HSDL2: variants seen among roughly 807,000 people sequenced by gnomAD.
HSDL2 encodes hydroxysteroid dehydrogenase like 2.
In HSDL2, 27 loss-of-function variants were observed where a neutral mutation model predicts 46.3. The ratio of observed to expected loss-of-function variants is 0.58; its 90% CI spans 0.43 to 0.80. HSDL2 has a LOEUF of 0.80. HSDL2 is among the 30% of genes least tolerant of loss of function. The pLI is 0.00. For synonymous variants in HSDL2, 153 were observed against 163.6 expected, an observed-to-expected ratio of 0.94 and a Z score of 0.50; for missense variants, 451 against 502.7, an observed-to-expected ratio of 0.90 and a Z score of 0.98.
At chr9:112,386,832 A>G (rs1035161549) in intron 1 of HSDL2, among the ~76,000 whole-genome samples, 2 of 152,202 alleles carry the variant, frequency 1.3e-5, no homozygotes, top group African/African-American at 4.8e-5. Context: ...TGCAAGAAGT[A>G]TATAGTACAT....
In HSDL2 at chr9:112,397,536, T is replaced by G. The variant is rs1831484182; in HGVS notation, c.18-6459T>G. On this transcript the variant is annotated intron_variant, in intron 1 of 10. Coordinates refer to ENST00000398805, the MANE Select transcript of HSDL2 (RefSeq NM_032303.5). ...AGGAGCTTGACTTGGGGCACGTAAT[T>G]TATCCCAAGTTCTCATACACACCTT... is the stretch of plus-strand genomic sequence containing the variant. 2.0e-5 allele frequency among the ~76,000 whole-genome samples: 3 copies of G among 152,190 alleles called. No individual in the cohort carries two copies. In the East Asian group the frequency reaches 5.8e-4, roughly 29 times the overall value.
intron 6 of HSDL2, among the ~76,000 whole-genome samples, chr9:112,423,594 C>A (rs1368296126): frequency 1.3e-5 from 2 of 151,970 alleles, no homozygotes; most frequent in African/African-American, 2.4e-5. Context: ...CAGGTGTGAG[C>A]CACTGCCCCA....
intron 6 of HSDL2, among the ~76,000 whole-genome samples, chr9:112,419,507 C>CG (rs1291725040): frequency 6.6e-6 from 1 of 152,116 alleles, no homozygotes; most frequent in Non-Finnish European, 1.5e-5. Flanking sequence ...CATTGACCAC[C>CG]GGAACACTTT....
chr9:112,406,729 A>G (rs1831738890), intron 3 of HSDL2, among the ~76,000 whole-genome samples: 1 of 152,146 alleles, frequency 6.6e-6, no homozygotes, highest in Admixed American at 6.5e-5. Flanking sequence ...CAGCCTCCCA[A>G]AGTGCTGGGA....
intron 1 of HSDL2, among the ~76,000 whole-genome samples, chr9:112,388,164 A>C (rs1564101089): frequency 6.6e-6 from 1 of 151,224 alleles, no homozygotes; most frequent in African/African-American, 2.4e-5. Flanking sequence ...GTCTCAGAAA[A>C]AAACAAACAA....
At chr9:112,419,105 T>C in intron 6 of HSDL2, 147 bp downstream of exon 6, 8 of 413,782 alleles carry the variant, frequency 1.9e-5, no homozygotes, top group Non-Finnish European at 3.7e-5. Context: ...GCCTCCTGGG[T>C]TCAAGCAGTT....
At chr9:112,459,379 T>C in intron 9 of HSDL2, 70 bp from the exon 10 acceptor site, 1 of 1,494,592 alleles carries the variant, frequency 6.7e-7, no homozygotes, top group Admixed American at 1.9e-5. Flanking sequence ...TTATTCTAAT[T>C]GAAGTAATTA....
At chr9:112,447,847 C>A (rs1999265) in intron 8 of HSDL2, among the ~76,000 whole-genome samples, 1 of 152,202 alleles carries the variant, frequency 6.6e-6, no homozygotes, top group Non-Finnish European at 1.5e-5. Context: ...CTGGAACAAG[C>A]CAAGTTAAAA....
chr9:112,442,348 C>CT (rs996064306), intron 8 of HSDL2, among the ~76,000 whole-genome samples: 1 of 142,352 alleles, frequency 7.0e-6, no homozygotes, highest in African/African-American at 2.6e-5. Context: ...TCTGAAAAAA[C>CT]TTTTTTTTAG....
intron 4 of HSDL2, among the ~76,000 whole-genome samples, chr9:112,416,514 A>G (rs747903979): frequency 6.6e-6 from 1 of 150,792 alleles, no homozygotes; most frequent in Non-Finnish European, 1.5e-5. Flanking sequence ...GCACTTCGGG[A>G]GTCTGAGGTA....
rs372567077 is a variant in HSDL2, at chr9:112,434,598, C to T, written c.599-3833C>T. Among the ~76,000 whole-genome samples the T allele has an allele frequency of 3.3e-5, 5 of 152,168 alleles. No individual in the cohort carries two copies. The South Asian group carries it at 1.0e-3, about 32-fold the overall frequency. On this transcript the variant is annotated intron_variant, in intron 6 of 10. Transcript: ENST00000398805. Reference sequence around the variant, plus strand: ...GCAGCTTTTTTCTTTCTTTAGTGGTCCCTAAGGTAATGGTGCGCTGTATAA... The same window carrying T: ...GCAGCTTTTTTCTTTCTTTAGTGGTTCCTAAGGTAATGGTGCGCTGTATAA...
At chr9:112,424,190 G>A (rs572526140) in intron 6 of HSDL2, among the ~76,000 whole-genome samples, 2 of 150,742 alleles carry the variant, frequency 1.3e-5, no homozygotes, top group South Asian at 2.1e-4. Flanking sequence ...GCATAGTGGC[G>A]GGCGCCTGTA....
Position 112,438,625 on chromosome 9 carries a change from G to C in HSDL2, c.793G>C (p.Gly265Arg). The C allele has an allele frequency of 1.3e-6, 2 of 1,521,052 alleles. No homozygotes were observed. The highest frequency in any genetic ancestry group is 1.4e-5 in the African/African-American group (1 of 72,082). 94.2% of individuals were successfully genotyped at this position (1,521,052 alleles called of 1,614,324 possible). The change falls in exon 7 of 11, where the codon GGT (glycine) becomes CGT (arginine). Residue 265 changes from glycine to arginine, a missense_variant and splice_region_variant. Coordinates refer to ENST00000398805, the MANE Select transcript of HSDL2 (RefSeq NM_032303.5). ...ENFDVYAIKP[G>R]HPLQPDFFLD... ...TTTTGACGTTTATGCAATTAAACCA[G>C]GTAATGCTTTTATAGTTTTTAAAAG...
At chr9:112,386,998 G>A (rs949998741) in intron 1 of HSDL2, among the ~76,000 whole-genome samples, 1 of 152,190 alleles carries the variant, frequency 6.6e-6, no homozygotes, top group African/African-American at 2.4e-5. Flanking sequence ...GATGTAATGT[G>A]AGGTCCTTAT....
rs1209056611 is a variant in HSDL2 at position 112,454,021 on chromosome 9, C to G, written c.874C>G (p.Pro292Ala). Residue 292 changes from proline (P) to alanine (A), a missense_variant, in exon 9 of 11, where the codon CCA (proline) becomes GCA (alanine). Physicochemically the swap from Pro to Ala is conservative, Grantham distance 27 (BLOSUM62 -1). Coordinates refer to ENST00000398805, the MANE Select transcript of HSDL2 (RefSeq NM_032303.5). ...SKKVESTGAV[P>A]EFKEEKLQLQ... ...TCAATAATATCTTATAGGTGCTGTT[C>G]CAGAATTCAAAGAAGAGAAACTGCA... 1.2e-6 allele frequency: 2 copies of G among 1,613,302 alleles called. No homozygotes were observed. The highest frequency in any genetic ancestry group is 8.5e-7 in the Non-Finnish European group (1 of 1,179,708).
chr9:112,388,874 T>TA (rs1219062160), intron 1 of HSDL2, among the ~76,000 whole-genome samples: 1 of 151,584 alleles, frequency 6.6e-6, no homozygotes, highest in Non-Finnish European at 1.5e-5. Flanking sequence ...TAACGGAGAC[T>TA]AAAGAGATAT....
intron 1 of HSDL2, among the ~76,000 whole-genome samples, chr9:112,402,546 G>A (rs1260479891): frequency 9.0e-6 from 1 of 110,576 alleles, no homozygotes; most frequent in Non-Finnish European, 1.8e-5. Context: ...TAACAGAGCT[G>A]TCTTAAAAAA....
chr9:112,448,134 T>C (rs186360100), intron 8 of HSDL2, among the ~76,000 whole-genome samples: 8 of 152,256 alleles, frequency 5.3e-5, no homozygotes, highest in African/African-American at 1.7e-4. Context: ...GTACATCATA[T>C]TGTACATTTG....
intron 8 of HSDL2, among the ~76,000 whole-genome samples, chr9:112,451,062 C>T (rs991686334): frequency 1.3e-5 from 2 of 151,948 alleles, no homozygotes; most frequent in Non-Finnish European, 2.9e-5. Flanking sequence ...ATTAGCTGGG[C>T]GTAGTGGCAC....
Sources: gnomAD v4.1 joint callset for allele counts (sites outside exome capture counted in the v4.1 genomes callset) on GRCh38, gnomAD v4.1.1 for gene constraint, MANE v1.5 for transcripts, NCBI Gene and HGNC (gene_info 2026-07-23, HGNC 2026-07-21) for gene names.